The following GPC6 variants were observed in gnomAD, a reference collection of about 807,000 sequenced individuals.
GPC6 encodes glypican-6.
Under a neutral mutation model 55.2 loss-of-function variants are expected in GPC6, and 14 were observed. That is an observed-to-expected ratio of 0.25 (90% CI 0.17 to 0.40). GPC6 has a LOEUF of 0.40. Ranked by LOEUF, GPC6 falls within the 10% of genes least tolerant of loss-of-function variation. The pLI is 1.00. For synonymous variants in GPC6, 278 were observed against 259.6 expected (o/e 1.07, Z -0.68); for missense variants, 641 against 708.5 (o/e 0.90, Z 1.08).
intron 2 of GPC6, among the ~76,000 whole-genome samples, chr13:93,618,846 A>T (rs1369100430): frequency 1.3e-5 from 2 of 152,156 alleles, no homozygotes; most frequent in Non-Finnish European, 2.9e-5. Flanking sequence ...AATGATGGGG[A>T]TACCTTTTGA....
intron 2 of GPC6, among the ~76,000 whole-genome samples, chr13:93,691,568 T>A (rs1434191365): frequency 6.6e-6 from 1 of 151,954 alleles, no homozygotes; most frequent in Non-Finnish European, 1.5e-5. Context: ...TTCTTGTTTT[T>A]CCATGAAACA....
Position 94,084,756 on chromosome 13 carries a change from T to C in GPC6, c.877+56862T>C, listed in dbSNP as rs1885222076. Among the ~76,000 whole-genome samples, 3 of 152,166 alleles carry C rather than the reference T, an allele frequency of 2.0e-5. No homozygotes were observed. The South Asian group carries it at 6.2e-4, about 32-fold the overall frequency. On this transcript the variant is annotated intron_variant, in intron 4 of 8. Coordinates refer to ENST00000377047, the MANE Select transcript of GPC6 (RefSeq NM_005708.5). ...AACTTGCTCAAGATCACAAAGCTTA[T>C]TTGGTAGCAGAAGAAAAGCTGGAAA...
chr13:93,382,393 T>C (rs1037618017), intron 1 of GPC6, among the ~76,000 whole-genome samples: 11 of 152,190 alleles, frequency 7.2e-5, no homozygotes, highest in Admixed American at 6.5e-4. Flanking sequence ...TAAAATTGAC[T>C]TCAGCTTTTT....
At chr13:93,766,370 T>C (rs1292170648) in intron 2 of GPC6, among the ~76,000 whole-genome samples, 1 of 152,110 alleles carries the variant, frequency 6.6e-6, no homozygotes, top group South Asian at 2.1e-4. Flanking sequence ...AGTTAATCAA[T>C]TGCATTAAAT....
At position 93,456,921 on chromosome 13, in the gene GPC6, A is replaced by C. The variant is rs140153049; in HGVS notation, c.161-88342A>C. 6.6e-5 allele frequency among the ~76,000 whole-genome samples: 10 copies of C among 152,214 alleles called. No individual in the cohort carries two copies. In the East Asian group the frequency reaches 1.9e-3, roughly 30 times the overall value. On this transcript the variant is annotated intron_variant, in intron 1 of 8. Coordinates refer to ENST00000377047, the MANE Select transcript of GPC6 (RefSeq NM_005708.5). The stretch of plus-strand genomic sequence containing the variant: ...ATAATCCCCACATGTCAAGGGTGGG[A>C]TCAGGTGGAAATAATTGAATCATGG...
intron 1 of GPC6, among the ~76,000 whole-genome samples, chr13:93,391,067 A>G (rs1875613364): frequency 1.3e-5 from 2 of 152,138 alleles, no homozygotes; most frequent in Admixed American, 6.6e-5. Flanking sequence ...CAACTTTGCT[A>G]TGTGCTGTAT....
At chr13:94,183,971 G>A (rs185443470) in intron 4 of GPC6, among the ~76,000 whole-genome samples, 13 of 152,202 alleles carry the variant, frequency 8.5e-5, no homozygotes, top group African/African-American at 2.4e-4. Context: ...TCTGAACATC[G>A]ACAAGGCTGA....
At chr13:94,250,533 GTTATAA>G (rs1375475818) in intron 4 of GPC6, among the ~76,000 whole-genome samples, 3 of 152,134 alleles carry the variant, frequency 2.0e-5, no homozygotes, top group Non-Finnish European at 4.4e-5. Flanking sequence ...TGTGATTTTA[GTTATAA>G]TTAGAATGGA....
At chr13:93,899,464 A>G (rs2140325643) in intron 3 of GPC6, among the ~76,000 whole-genome samples, 1 of 152,030 alleles carries the variant, frequency 6.6e-6, no homozygotes, top group Admixed American at 6.6e-5. Context: ...AAAAAGAGGA[A>G]ATTCCATGGG....
chr13:93,944,746 A>T (rs1426571414), intron 3 of GPC6, among the ~76,000 whole-genome samples: 1 of 152,136 alleles, frequency 6.6e-6, no homozygotes, highest in African/African-American at 2.4e-5. Flanking sequence ...GGTTATGGTA[A>T]ATTCTTTGCA....
intron 3 of GPC6, among the ~76,000 whole-genome samples, chr13:93,855,260 G>A (rs1409200417): frequency 6.6e-6 from 1 of 151,664 alleles, no homozygotes; most frequent in Non-Finnish European, 1.5e-5. Flanking sequence ...AGAATGGCAT[G>A]TAGTTGGGAA....
chr13:93,871,157 A>C (rs1462985997), intron 3 of GPC6, among the ~76,000 whole-genome samples: 1 of 152,012 alleles, frequency 6.6e-6, no homozygotes, highest in African/African-American at 2.4e-5. Flanking sequence ...CTCTAGCATG[A>C]GACAGACTCT....
intron 4 of GPC6, among the ~76,000 whole-genome samples, chr13:94,266,392 T>G (rs9516376): frequency 6.6e-6 from 1 of 151,442 alleles, no homozygotes; most frequent in Non-Finnish European, 1.5e-5. Flanking sequence ...ATGGTCTCGA[T>G]CTCCTGACCT....
intron 2 of GPC6, among the ~76,000 whole-genome samples, chr13:93,820,085 G>C (rs1464347939): frequency 2.0e-5 from 3 of 152,156 alleles, no homozygotes; most frequent in Admixed American, 1.3e-4. Context: ...TCAGCTGACT[G>C]TAGTGGAATT....
At chr13:93,673,996 G>A (rs1881477079) in intron 2 of GPC6, among the ~76,000 whole-genome samples, 1 of 151,970 alleles carries the variant, frequency 6.6e-6, no homozygotes, top group African/African-American at 2.4e-5. Context: ...TAAGGAGGGA[G>A]GATACAAAAA....
intron 1 of GPC6, among the ~76,000 whole-genome samples, chr13:93,409,257 T>C (rs1876407145): frequency 6.6e-6 from 1 of 151,914 alleles, no homozygotes; most frequent in Non-Finnish European, 1.5e-5. Context: ...GCCCTACTCA[T>C]TAGTGATTAA....
intron 3 of GPC6, among the ~76,000 whole-genome samples, chr13:94,012,503 G>T (rs185023810): frequency 4.3e-4 from 65 of 152,228 alleles, no homozygotes; most frequent in Middle Eastern, 3.4e-3. Context: ...ATAGAGTGGC[G>T]ATTGATTAAT....
At chr13:93,849,523 T>C (rs1171060884) in intron 3 of GPC6, among the ~76,000 whole-genome samples, 2 of 152,130 alleles carry the variant, frequency 1.3e-5, no homozygotes, top group African/African-American at 4.8e-5. Context: ...CTAGATGCAG[T>C]TGCAGCTCAA....
At chr13:94,058,289 T>G (rs369943947) in intron 4 of GPC6, among the ~76,000 whole-genome samples, 50 of 152,338 alleles carry the variant, frequency 3.3e-4, no homozygotes, top group African/African-American at 1.2e-3. Flanking sequence ...TCTGGCCTTC[T>G]ATTTTTTCCA....
Sources: gnomAD v4.1 joint callset for allele counts (sites outside exome capture counted in the v4.1 genomes callset) on GRCh38, gnomAD v4.1.1 for gene constraint, MANE v1.5 for transcripts, NCBI Gene and HGNC (gene_info 2026-07-23, HGNC 2026-07-21) for gene names.